The following CTNND2 variants were observed in gnomAD, a reference collection of about 807,000 sequenced individuals.
CTNND2 encodes catenin delta 2.
Under a neutral mutation model 144.4 loss-of-function variants are expected in CTNND2, and 22 were observed. The observed-to-expected ratio is 0.15, with a 90% CI of 0.11 to 0.22. The LOEUF is 0.22. Among genes scored for constraint, CTNND2 ranks in the 10% least tolerant of loss-of-function variants. CTNND2 has a pLI of 1.00. For missense variants in CTNND2, 1,353 were observed against 1,618.8 expected (o/e 0.84, Z 2.82); for synonymous variants, 751 against 695.6 (o/e 1.08, Z -1.25).
intron 2 of CTNND2, among the ~76,000 whole-genome samples, chr5:11,638,079 T>A (rs1169229357): frequency 6.6e-6 from 1 of 152,200 alleles, no homozygotes; most frequent in Non-Finnish European, 1.5e-5. Context: ...AATATATTCT[T>A]AGTACTTTAA....
chr5:11,207,054 C>A (rs1188114334), intron 10 of CTNND2, among the ~76,000 whole-genome samples: 2 of 152,114 alleles, frequency 1.3e-5, no homozygotes, highest in Non-Finnish European at 2.9e-5. Flanking sequence ...TACTATGCAG[C>A]CATATAAAAG....
intron 7 of CTNND2, among the ~76,000 whole-genome samples, chr5:11,377,217 A>ATT (rs113704760): frequency 6.7e-6 from 1 of 148,764 alleles, no homozygotes; most frequent in Non-Finnish European, 1.5e-5. Context: ...CACCTGGCTA[A>ATT]TTTTTTTTTT....
chr5:11,008,732 A>C (rs1580017549), intron 18 of CTNND2, among the ~76,000 whole-genome samples: 1 of 152,206 alleles, frequency 6.6e-6, no homozygotes, highest in East Asian at 1.9e-4. Flanking sequence ...ACTCAACTCC[A>C]GATTATATAA....
chr5:11,848,540 C>G (rs183513220), intron 1 of CTNND2, among the ~76,000 whole-genome samples: 1 of 151,500 alleles, frequency 6.6e-6, no homozygotes, highest in East Asian at 1.9e-4. Flanking sequence ...CACAGAATGA[C>G]TAAATTTTCC....
At chr5:11,254,860 C>T (rs1744068362) in intron 9 of CTNND2, among the ~76,000 whole-genome samples, 1 of 152,138 alleles carries the variant, frequency 6.6e-6, no homozygotes, top group African/African-American at 2.4e-5. Flanking sequence ...GTGGTGTATA[C>T]TATATTATGC....
intron 1 of CTNND2, among the ~76,000 whole-genome samples, chr5:11,828,316 G>A (rs1266955386): frequency 6.6e-6 from 1 of 152,078 alleles, no homozygotes; most frequent in Non-Finnish European, 1.5e-5. Context: ...GATCACCTGA[G>A]GTCAGGAGTT....
chr5:11,498,430 T>C (rs1405839526), intron 3 of CTNND2, among the ~76,000 whole-genome samples: 3 of 152,182 alleles, frequency 2.0e-5, no homozygotes, highest in Admixed American at 6.5e-5. Context: ...TTTAATTGAA[T>C]GAAAACCAGG....
At chr5:11,353,654 T>C (rs1330236810) in intron 8 of CTNND2, among the ~76,000 whole-genome samples, 1 of 151,808 alleles carries the variant, frequency 6.6e-6, no homozygotes, top group Non-Finnish European at 1.5e-5. Context: ...AATACAAAAA[T>C]TAGTTGGGTG....
At chr5:11,295,123 C>T (rs903618799) in intron 9 of CTNND2, among the ~76,000 whole-genome samples, 2 of 151,586 alleles carry the variant, frequency 1.3e-5, no homozygotes, top group Non-Finnish European at 2.9e-5. Context: ...TGATAGGCAA[C>T]TTCAGCAAAG....
chr5:11,488,055 T>G (rs1020008353), intron 3 of CTNND2, among the ~76,000 whole-genome samples: 1 of 152,220 alleles, frequency 6.6e-6, no homozygotes, highest in Non-Finnish European at 1.5e-5. Flanking sequence ...CTGTTTTGTT[T>G]GTGGTGGCAA....
chr5:11,774,781 GCT>G (rs1464617098), intron 1 of CTNND2, among the ~76,000 whole-genome samples: 1 of 152,040 alleles, frequency 6.6e-6, no homozygotes, highest in African/African-American at 2.4e-5. Context: ...CTCAAAAATA[GCT>G]CTGTTCATTA....
chr5:11,258,665 T>A (rs936133939), intron 9 of CTNND2, among the ~76,000 whole-genome samples: 2 of 152,226 alleles, frequency 1.3e-5, no homozygotes, highest in Non-Finnish European at 2.9e-5. Flanking sequence ...AAAACACTCA[T>A]GAGCAGTTTC....
intron 16 of CTNND2, among the ~76,000 whole-genome samples, chr5:11,039,489 C>A (rs374235445): frequency 6.6e-6 from 1 of 152,154 alleles, no homozygotes; most frequent in Admixed American, 6.5e-5. Flanking sequence ...AGAAAGGGAC[C>A]TGTTCATCTC....
Position 11,256,908 on chromosome 5 carries a change from C to T in CTNND2, c.1629-20085G>A, listed in dbSNP as rs140853511. ...CCTTATAACATATTTATGCAACATG[C>T]CTGGCCTCTACCAATTAAATGCTAA... On this transcript the variant is annotated intron_variant, in intron 9 of 21. Coordinates refer to ENST00000304623, the MANE Select transcript of CTNND2 (RefSeq NM_001332.4). 3.0e-3 allele frequency among the ~76,000 whole-genome samples: 452 copies of T among 151,570 alleles called. 1 individual carries two copies. Among genetic ancestry groups the T allele is most frequent in the South Asian group, 0.014 (66 of 4,704 alleles).
intron 18 of CTNND2, among the ~76,000 whole-genome samples, chr5:10,993,923 A>C (rs1738991496): frequency 6.6e-6 from 1 of 152,074 alleles, no homozygotes; most frequent in South Asian, 2.1e-4. Flanking sequence ...AAAAGTCTAA[A>C]TATTATCAGA....
chr5:11,598,724 T>G (rs965195632), intron 2 of CTNND2, among the ~76,000 whole-genome samples: 2 of 152,112 alleles, frequency 1.3e-5, no homozygotes, highest in Admixed American at 6.6e-5. Flanking sequence ...ATATGAGACT[T>G]AACCAAAAGA....
At chr5:11,682,549 C>A (rs1352567950) in intron 2 of CTNND2, among the ~76,000 whole-genome samples, 1 of 152,172 alleles carries the variant, frequency 6.6e-6, no homozygotes, top group African/African-American at 2.4e-5. Context: ...AAAAAGGTTC[C>A]TCCTTTAATT....
intron 1 of CTNND2, among the ~76,000 whole-genome samples, chr5:11,894,073 C>T (rs1902973): frequency 0.018 from 2,683 of 149,968 alleles, 84 homozygotes; most frequent in African/African-American, 0.057. Context: ...ACAGTTAGAG[C>T]GATAAGAATT....
intron 9 of CTNND2, among the ~76,000 whole-genome samples, chr5:11,337,821 C>G (rs1449647636): frequency 6.6e-6 from 1 of 152,094 alleles, no homozygotes; most frequent in Non-Finnish European, 1.5e-5. Context: ...ACCCTTGATA[C>G]TGGACATTAT....
Sources: gnomAD v4.1 joint callset for allele counts (sites outside exome capture counted in the v4.1 genomes callset) on GRCh38, gnomAD v4.1.1 for gene constraint, MANE v1.5 for transcripts, NCBI Gene and HGNC (gene_info 2026-07-23, HGNC 2026-07-21) for gene names.